Variants in MUC5B observed in about 807,000 individuals in gnomAD.
The protein encoded by MUC5B is mucin-5B.
A neutral mutation model predicts 376.9 loss-of-function variants in MUC5B; 116 were observed. The ratio of observed to expected loss-of-function variants is 0.31; its 90% CI spans 0.26 to 0.36. MUC5B has a LOEUF of 0.36. Ranked by LOEUF, MUC5B falls within the 10% of genes least tolerant of loss-of-function variation. MUC5B has a pLI of 1.00. For synonymous variants in MUC5B, 3,517 were observed against 3,390.9 expected (o/e 1.04, Z -1.29); for missense variants, 7,165 against 7,769.9 (o/e 0.92, Z 2.93).
chr11:1,251,063 G>T lies in MUC5B; in HGVS notation c.14183G>T (p.Ser4728Ile). The T allele has an allele frequency of 6.2e-7, 1 of 1,610,762 alleles. No individual in the cohort carries two copies. The highest frequency in any genetic ancestry group is 2.2e-5 in the East Asian group (1 of 44,838). ...AGCTCCAAAGCCACTTCCTCCTCCA[G>T]TCCAAGGACTGCAACCACCCTTCCA... ...ATSSKATSSSSPRTATTLPVL... is the reference protein window; with the variant it reads ...ATSSKATSSSIPRTATTLPVL... Residue 4728 changes from serine to isoleucine, a missense_variant, in exon 31 of 49, where the codon AGT becomes ATT. Physicochemically the swap from Ser to Ile is moderately radical, Grantham distance 142 (BLOSUM62 -2). Coordinates refer to ENST00000529681, the MANE Select transcript of MUC5B (RefSeq NM_002458.3).
At chr11:1,229,343 C>A in intron 9 of MUC5B, 48 bp downstream of exon 9, 4 of 1,483,636 alleles carry the variant, frequency 2.7e-6, no homozygotes, top group South Asian at 1.3e-5. Flanking sequence ...CAGGTCCCTG[C>A]TCCCAACCCC....
At position 1,254,025 on chromosome 11, in the gene MUC5B, G is replaced by A. The variant is rs889152863; in HGVS notation, c.15218-67G>A. 46 of 1,552,990 alleles carry A rather than the reference G, an allele frequency of 3.0e-5. No homozygotes were observed. In the Middle Eastern group the frequency reaches 5.0e-4, roughly 17 times the overall value. ...GGCAGTCACAGTGGTGACGCTGGCT[G>A]CCATGACGCCTGGGGAGCGAGGGCA... On this transcript the variant is annotated intron_variant, in intron 33 of 48. Transcript: ENST00000529681.
intron 7 of MUC5B, among the ~76,000 whole-genome samples, chr11:1,228,329 G>A (rs1407315989): frequency 2.0e-5 from 3 of 152,160 alleles, no homozygotes; most frequent in Non-Finnish European, 4.4e-5. Context: ...CCTTTCTTGG[G>A]CGCTTACTCC....
rs752120396 is a variant in MUC5B, at chr11:1,241,278, C to T, written c.4398C>T (p.Thr1466=). 8 of 1,596,654 alleles carry T rather than the reference C, an allele frequency of 5.0e-6. No homozygotes were observed. The Admixed American group carries it at 1.1e-4, about 21-fold the overall frequency. Residue 1466 remains threonine, a synonymous_variant, in exon 31 of 49, where the codon ACC becomes ACT. Coordinates refer to ENST00000529681, the MANE Select transcript of MUC5B (RefSeq NM_002458.3). ...CCCAGACCACAGCAACCGAAAAGAC[C>T]ACCCTATGGGTGACCCCGAGCATCC... ...TPTQTTATEK[T]TLWVTPSIRS...
chr11:1,223,241 G>A, intron 1 of MUC5B, 48 bp downstream of exon 1: 2 of 704,782 alleles, frequency 2.8e-6, no homozygotes, highest in South Asian at 3.0e-5. Context: ...TTCACGGCGG[G>A]GGTCTCTGCA....
At position 1,244,506 on chromosome 11, in the gene MUC5B, C is replaced by A; in HGVS notation, c.7626C>A (p.Ser2542=). 1 of 1,552,594 alleles carries A rather than the reference C, an allele frequency of 6.4e-7. No homozygotes were observed. Among genetic ancestry groups the A allele is most frequent in the East Asian group, 2.2e-5 (1 of 44,794 alleles). ...PTATSFTAIP[S]SSLGTTWTRL... is the part of the protein sequence containing the mutation. ...CTACCAGCTTTACAGCCATCCCCTC[C>A]TCCTCCCTGGGCACCACCTGGACCC... is the stretch of plus-strand genomic sequence containing the variant. Residue 2542 remains serine (S), a synonymous_variant, in exon 31 of 49, where the codon TCC becomes TCA. Transcript: ENST00000529681.
At position 1,243,474 on chromosome 11, in the gene MUC5B, C is replaced by T. The variant is rs199522197; in HGVS notation, c.6594C>T (p.His2198=). The part of the protein sequence containing the change: ...PPVPNTMATT[H]GRSLPPSSPH... The stretch of plus-strand genomic sequence containing the variant: ...TGCCGAACACCATGGCCACCACACA[C>T]GGGCGATCCCTGCCCCCCAGCAGTC... Residue 2198 remains histidine (H), a synonymous_variant, in exon 31 of 49, where the codon CAC becomes CAT. Coordinates refer to ENST00000529681, the MANE Select transcript of MUC5B (RefSeq NM_002458.3). 34 of 1,521,776 alleles carry T rather than the reference C, an allele frequency of 2.2e-5. 1 individual carries two copies. The highest frequency in any genetic ancestry group is 2.2e-4 in the Middle Eastern group (1 of 4,504). The allele number at this position is 1,521,776 out of a possible 1,614,324, so 94.3% of individuals were successfully genotyped here.
At chr11:1,237,842 C>T (rs1284585283) in intron 25 of MUC5B, among the ~76,000 whole-genome samples, 2 of 152,156 alleles carry the variant, frequency 1.3e-5, no homozygotes, top group African/African-American at 2.4e-5. Context: ...GCACTCCAGC[C>T]TAAGCAAAAA....
At chr11:1,237,804 G>A (rs1325523280) in intron 25 of MUC5B, among the ~76,000 whole-genome samples, 1 of 152,218 alleles carries the variant, frequency 6.6e-6, no homozygotes, top group Non-Finnish European at 1.5e-5. Flanking sequence ...GGGAAGAGGA[G>A]GTTGCAGTGA....
At chr11:1,227,627 C>A (rs1274992382) in intron 6 of MUC5B, 48 bp from the exon 7 acceptor site, 1 of 705,362 alleles carries the variant, frequency 1.4e-6, no homozygotes, top group Admixed American at 2.0e-5. Context: ...CATATCTTGT[C>A]CCCAGGAGCC....
chr11:1,243,731 C>T lies in MUC5B; in HGVS notation c.6851C>T (p.Ala2284Val), dbSNP rs767360180. 1.2e-6 allele frequency: 2 copies of T among 1,607,122 alleles called. No individual in the cohort carries two copies. Among genetic ancestry groups the T allele is most frequent in the South Asian group, 2.2e-5 (2 of 90,930 alleles). ...ACCACGGCCACCTCCAGGACCACAG[C>T]CACGGCCACACCCAGCAAGACCCGC... Reference protein sequence around the residue: ...GHTTATSRTTATATPSKTRTS... With the variant: ...GHTTATSRTTVTATPSKTRTS... Residue 2284 changes from alanine to valine, a missense_variant, in exon 31 of 49, where the codon GCC becomes GTC. Around this residue, in one of 31 missense-constraint regions of MUC5B, gnomAD observed 79 missense variants for 63.0 expected, o/e 1.25. Transcript: ENST00000529681.
chr11:1,244,682 G>A lies in MUC5B; in HGVS notation c.7802G>A (p.Gly2601Glu), dbSNP rs1177665378. The A allele has an allele frequency of 2.5e-6, 4 of 1,611,940 alleles. No homozygotes were observed. Among genetic ancestry groups the A allele is most frequent in the Non-Finnish European group, 3.4e-6 (4 of 1,179,034 alleles). The change falls in exon 31 of 49, where the codon GGA becomes GAA. Residue 2601 changes from glycine to glutamate, a missense_variant. Around this residue, in one of 31 missense-constraint regions of MUC5B, gnomAD observed 141 missense variants for 111.2 expected, o/e 1.27. Transcript: ENST00000529681. ...GTGGCCACCCCCTCCTCCACCCCAG[G>A]AACAGCTCACACTACCAAAGTGCTG... is the stretch of plus-strand genomic sequence containing the variant. ...GSVATPSSTP[G>E]TAHTTKVLTT...
Position 1,247,665 on chromosome 11 carries a change from T to C in MUC5B, c.10785T>C (p.Phe3595=), listed in dbSNP as rs1170345720. Residue 3595 remains phenylalanine, a synonymous_variant, in exon 31 of 49, where the codon TTT becomes TTC. Transcript: ENST00000529681. ...TGCCGGGGCCCTCTGGCGGGGACTT[T>C]GACACCTACTCCAACATCCGTGCGG... ...YPMPGPSGGD[F]DTYSNIRAAG... The C allele has an allele frequency of 3.1e-6, 5 of 1,600,852 alleles. No individual in the cohort carries two copies. Among genetic ancestry groups the C allele is most frequent in the Non-Finnish European group, 4.3e-6 (5 of 1,172,654 alleles).
At chr11:1,233,654 C>T in intron 18 of MUC5B, 139 bp from the exon 19 acceptor site, 1 of 808,114 alleles carries the variant, frequency 1.2e-6, no homozygotes, top group Non-Finnish European at 2.0e-6. Context: ...CCAGCAAACA[C>T]AGCAGCAGGC....
At chr11:1,260,431 T>A in intron 47 of MUC5B, 38 bp downstream of exon 47, 1 of 1,609,770 alleles carries the variant, frequency 6.2e-7, no homozygotes, top group Non-Finnish European at 8.5e-7. Context: ...GCCCTCCAGC[T>A]CCAGCCCGTC....
Position 1,250,141 on chromosome 11 carries a change from C to T in MUC5B, c.13261C>T (p.Leu4421Phe), listed in dbSNP as rs762387833. ...CTCCACCCCAGGGACCACCTGGATC[C>T]TCACAGAGCTGACCACAACAGCCAC... The part of the protein sequence containing the change: ...PSSTPGTTWI[L>F]TELTTTATTT... The change falls in exon 31 of 49, where the codon CTC (leucine) becomes TTC (phenylalanine). Residue 4421 changes from leucine (L) to phenylalanine (F), a missense_variant. Leu to Phe is a conservative substitution (Grantham distance 22). Coordinates refer to ENST00000529681, the MANE Select transcript of MUC5B (RefSeq NM_002458.3). The T allele has an allele frequency of 1.2e-6, 2 of 1,610,526 alleles. No homozygotes were observed. Among genetic ancestry groups the T allele is most frequent in the Middle Eastern group, 1.7e-4 (1 of 6,056 alleles).
Position 1,246,764 on chromosome 11 carries a change from C to A in MUC5B, c.9884C>A (p.Thr3295Asn), listed in dbSNP as rs1224752649. 2.5e-6 allele frequency: 4 copies of A among 1,609,620 alleles called. No individual in the cohort carries two copies. Among genetic ancestry groups the A allele is most frequent in the African/African-American group, 1.3e-5 (1 of 74,518 alleles). ...ACCAGGGCCACCGGCTCTGTGGCCA[C>A]CCCCTCCTCCACCCCAGGAACAGCT... ...TTTRATGSVA[T>N]PSSTPGTAHT... Residue 3295 changes from threonine to asparagine, a missense_variant, in exon 31 of 49, where the codon ACC becomes AAC. Thr to Asn is a moderately conservative substitution (Grantham distance 65). Around this residue, in one of 31 missense-constraint regions of MUC5B, gnomAD observed 939 missense variants for 770.6 expected, o/e 1.22. Coordinates refer to ENST00000529681, the MANE Select transcript of MUC5B (RefSeq NM_002458.3).
chr11:1,260,241 C>A, intron 46 of MUC5B, 110 bp from the exon 47 acceptor site: 2 of 1,359,306 alleles, frequency 1.5e-6, no homozygotes, highest in Non-Finnish European at 1.0e-6. Flanking sequence ...GGAGGCCCCG[C>A]CCCTGCCCGG....
Position 1,244,785 on chromosome 11 carries a change from C to G in MUC5B, c.7905C>G (p.Ser2635Arg). The change falls in exon 31 of 49, where the codon AGC becomes AGG. Residue 2635 changes from serine (S) to arginine (R), a missense_variant. By Grantham distance (110) the Ser-to-Arg change is moderately radical (BLOSUM62 -1). Around this residue, in one of 31 missense-constraint regions of MUC5B, gnomAD observed 141 missense variants for 111.2 expected, o/e 1.27. Transcript: ENST00000529681. Reference sequence around the variant, plus strand: ...CACGCACGCTTCCAGTGTGGATCAGCACAACCACCACACCCACAACCAGAG... The same window carrying G: ...CACGCACGCTTCCAGTGTGGATCAGGACAACCACCACACCCACAACCAGAG... ...GTARTLPVWI[S>R]TTTTPTTRGS... 6.2e-7 allele frequency: 1 copy of G among 1,612,500 alleles called. No individual in the cohort carries two copies. The highest frequency in any genetic ancestry group is 8.5e-7 in the Non-Finnish European group (1 of 1,178,976).
Sources: allele counts gnomAD v4.1 joint callset (sites outside exome capture counted in the v4.1 genomes callset), GRCh38; gene constraint gnomAD v4.1.1; regional missense constraint gnomAD v4.1.1; transcripts MANE v1.5; gene names NCBI Gene and HGNC (gene_info 2026-07-23, HGNC 2026-07-21).